Variants in COL25A1 observed in about 807,000 individuals in gnomAD.
COL25A1 encodes collagen type XXV alpha 1 chain, also known as collagen alpha-1(XXV) chain.
Under a neutral mutation model 128.4 loss-of-function variants are expected in COL25A1, and 103 were observed. The observed-to-expected ratio is 0.80, with a 90% CI of 0.68 to 0.94. COL25A1 has a LOEUF of 0.94. Ranked by LOEUF, COL25A1 falls within the 40% of genes least tolerant of loss-of-function variation. COL25A1 has a pLI of 0.00. For synonymous variants in COL25A1, 279 were observed against 277.2 expected (o/e 1.01, Z -0.06); for missense variants, 745 against 840.0 (o/e 0.89, Z 1.40).
chr4:109,203,721 AAAAT>A (rs1776754955), intron 3 of COL25A1, among the ~76,000 whole-genome samples: 1 of 152,306 alleles, frequency 6.6e-6, no homozygotes, highest in Non-Finnish European at 1.5e-5. Flanking sequence ...GAAAAGTAAG[AAAAT>A]AAATAAAAGT....
intron 6 of COL25A1, among the ~76,000 whole-genome samples, chr4:108,985,146 T>G (rs1753539599): frequency 6.6e-6 from 1 of 152,196 alleles, no homozygotes; most frequent in Admixed American, 6.5e-5. Flanking sequence ...GCTTTTAATA[T>G]GAGCTTCTAC....
chr4:108,823,879 T>C, intron 35 of COL25A1: 1 of 1,370,248 alleles, frequency 7.3e-7, no homozygotes, highest in Non-Finnish European at 9.4e-7. Flanking sequence ...AAAATGATTT[T>C]TTTTTCAAAA....
chr4:108,937,461 C>A (rs1286970773), intron 11 of COL25A1, among the ~76,000 whole-genome samples: 2 of 152,002 alleles, frequency 1.3e-5, no homozygotes, highest in Admixed American at 6.6e-5. Context: ...TTAGTCAGAC[C>A]TGATCCCTTT....
chr4:109,001,131 A>G (rs1415281080), intron 6 of COL25A1, among the ~76,000 whole-genome samples: 1 of 152,128 alleles, frequency 6.6e-6, no homozygotes, highest in Non-Finnish European at 1.5e-5. Context: ...CTAAATGAAA[A>G]CCATTAAGAC....
Position 109,283,687 on chromosome 4 carries a change from C to G in COL25A1, c.367+16896G>C, listed in dbSNP as rs963968553. Among the ~76,000 whole-genome samples, 11 of 152,254 alleles carry G rather than the reference C, an allele frequency of 7.2e-5. No homozygotes were observed. The East Asian group carries it at 1.2e-3, about 16-fold the overall frequency. On this transcript the variant is annotated intron_variant, in intron 3 of 37. Coordinates refer to ENST00000399132, the MANE Select transcript of COL25A1 (RefSeq NM_198721.4). ...TTTGTCTGACATTTGAGTTTGCCAT[C>G]TGGCTTTAGACTTTAGTCCAACCCA...
At chr4:108,894,193 G>A (rs1741867310) in intron 16 of COL25A1, among the ~76,000 whole-genome samples, 1 of 151,998 alleles carries the variant, frequency 6.6e-6, no homozygotes, top group Non-Finnish European at 1.5e-5. Context: ...AAAGAAAAAA[G>A]CTGTTTTACC....
chr4:109,250,958 A>G (rs1560930528), intron 3 of COL25A1, among the ~76,000 whole-genome samples: 1 of 152,182 alleles, frequency 6.6e-6, no homozygotes, highest in Non-Finnish European at 1.5e-5. Context: ...CATACAACCA[A>G]AAACACATTA....
intron 3 of COL25A1, among the ~76,000 whole-genome samples, chr4:109,149,940 GTA>G (rs1200037347): frequency 3.3e-5 from 5 of 151,702 alleles, no homozygotes; most frequent in African/African-American, 1.2e-4. Context: ...TTATGTGTAT[GTA>G]TGTGTGTGTG....
intron 12 of COL25A1, among the ~76,000 whole-genome samples, chr4:108,920,040 G>A (rs1388447683): frequency 6.6e-6 from 1 of 152,142 alleles, no homozygotes; most frequent in Non-Finnish European, 1.5e-5. Context: ...GGGATTACAG[G>A]CATGAGCCAC....
chr4:109,257,851 G>A (rs1781177348), intron 3 of COL25A1, among the ~76,000 whole-genome samples: 2 of 152,156 alleles, frequency 1.3e-5, no homozygotes, highest in Admixed American at 1.3e-4. Context: ...GAACTGTGAA[G>A]GAGGAATTAA....
intron 26 of COL25A1, among the ~76,000 whole-genome samples, chr4:108,850,817 G>C (rs538239465): frequency 1.4e-3 from 206 of 152,170 alleles, no homozygotes; most frequent in African/African-American, 4.7e-3. Flanking sequence ...ATAGCAATTG[G>C]ATTATAAAAC....
chr4:108,824,022 TGAAGACC>T lies in COL25A1; in HGVS notation c.1845+145_1845+151del, dbSNP rs1732077829. 1.9e-6 allele frequency: 3 copies of T among 1,608,434 alleles called. No individual in the cohort carries two copies. In the East Asian group the frequency reaches 6.7e-5, roughly 36 times the overall value. ...CAGTACAGCCTTCTTCATTCCTCTC[TGAAGACC>T]TGATTCCTTAAATCAGGCATCAGTA... is the stretch of plus-strand genomic sequence containing the variant. On this transcript the variant is annotated intron_variant, in intron 35 of 37. Coordinates refer to ENST00000399132, the MANE Select transcript of COL25A1 (RefSeq NM_198721.4).
intron 31 of COL25A1, among the ~76,000 whole-genome samples, chr4:108,834,757 G>C: frequency 6.6e-6 from 1 of 152,022 alleles, no homozygotes; most frequent in East Asian, 1.9e-4. Flanking sequence ...ATTTCTTTAG[G>C]TTCTGAAGAG....
At chr4:108,966,565 T>C (rs535393235) in intron 8 of COL25A1, among the ~76,000 whole-genome samples, 1 of 152,178 alleles carries the variant, frequency 6.6e-6, no homozygotes, top group African/African-American at 2.4e-5. Flanking sequence ...CATAATAAAG[T>C]TGGCCATGCG....
chr4:109,087,037 T>G (rs1764458080), intron 3 of COL25A1, among the ~76,000 whole-genome samples: 1 of 152,126 alleles, frequency 6.6e-6, no homozygotes, highest in Non-Finnish European at 1.5e-5. Flanking sequence ...GTGGGATCCC[T>G]CCTACTCAGA....
intron 13 of COL25A1, among the ~76,000 whole-genome samples, chr4:108,909,984 A>T (rs1018904335): frequency 2.0e-5 from 3 of 152,196 alleles, no homozygotes; most frequent in Admixed American, 6.5e-5. Flanking sequence ...TGCACGTGCC[A>T]GCAGTATGGT....
chr4:109,178,226 C>T (rs537402182), intron 3 of COL25A1, among the ~76,000 whole-genome samples: 5 of 152,232 alleles, frequency 3.3e-5, no homozygotes, highest in African/African-American at 1.2e-4. Context: ...GAGGGAATTG[C>T]CAAATACATT....
intron 5 of COL25A1, among the ~76,000 whole-genome samples, chr4:109,046,564 T>C (rs1760452167): frequency 1.3e-5 from 2 of 152,206 alleles, no homozygotes; most frequent in Admixed American, 1.3e-4. Flanking sequence ...ATGAAGAGAC[T>C]TAAGTATGAA....
At chr4:109,280,289 G>T (rs953182667) in intron 3 of COL25A1, among the ~76,000 whole-genome samples, 4 of 152,066 alleles carry the variant, frequency 2.6e-5, no homozygotes, top group South Asian at 2.1e-4. Context: ...CCATTCAATG[G>T]AATTCTATTC....
Sources: allele counts gnomAD v4.1 joint callset (sites outside exome capture counted in the v4.1 genomes callset), GRCh38; gene constraint gnomAD v4.1.1; transcripts MANE v1.5; gene names NCBI Gene and HGNC (gene_info 2026-07-23, HGNC 2026-07-21).